Variants in EYS observed in about 807,000 individuals in gnomAD.
EYS encodes the protein protein eyes shut homolog.
Under a neutral mutation model 282.1 loss-of-function variants are expected in EYS, and 250 were observed. The ratio of observed to expected loss-of-function variants is 0.89; its 90% CI spans 0.80 to 0.98. The LOEUF (loss-of-function observed/expected upper bound fraction) is 0.98, where lower values mean the gene tolerates loss of function less well. Ranked by LOEUF, EYS falls within the 50% of genes least tolerant of loss-of-function variation. The probability of loss-of-function intolerance (pLI) is 0.00; values close to 1 mark genes in which losing one functional copy is unlikely to be tolerated. For synonymous variants in EYS, 1,355 were observed against 1,282.9 expected, an observed-to-expected ratio of 1.06 and a Z score of -1.20; for missense variants, 4,016 against 3,709.0, an observed-to-expected ratio of 1.08 and a Z score of -2.15.
chr6:64,933,751 G>A (rs1768808418), intron 15 of EYS, among the ~76,000 whole-genome samples: 1 of 152,084 alleles, frequency 6.6e-6, no homozygotes, highest in Non-Finnish European at 1.5e-5. Context: ...ACCAATGATA[G>A]ATTGGATAAG....
intron 5 of EYS, among the ~76,000 whole-genome samples, chr6:65,450,103 T>C (rs1040054341): frequency 1.3e-5 from 2 of 152,152 alleles, no homozygotes; most frequent in Non-Finnish European, 2.9e-5. Context: ...TAACATTGCA[T>C]GTCTAATTCT....
chr6:64,100,011 C>T (rs4710464), intron 31 of EYS, among the ~76,000 whole-genome samples: 10,503 of 152,052 alleles, frequency 0.069, 958 homozygotes, highest in African/African-American at 0.21. Context: ...AGATGCTAAA[C>T]CGTCTCAGTT....
intron 12 of EYS, among the ~76,000 whole-genome samples, chr6:65,088,005 T>C (rs1039230638): frequency 1.3e-5 from 2 of 152,252 alleles, no homozygotes; most frequent in Admixed American, 1.3e-4. Context: ...GCATCTTCCC[T>C]GTTTGCACTC....
chr6:64,085,260 G>C (rs1430146803), intron 31 of EYS, among the ~76,000 whole-genome samples: 1 of 151,718 alleles, frequency 6.6e-6, no homozygotes, highest in African/African-American at 2.4e-5. Flanking sequence ...ATAGGCGTGA[G>C]TCACCCTGCC....
At chr6:64,322,694 C>T (rs1249178594) in intron 29 of EYS, among the ~76,000 whole-genome samples, 1 of 152,018 alleles carries the variant, frequency 6.6e-6, no homozygotes, top group Non-Finnish European at 1.5e-5. Flanking sequence ...ATTGGAATGA[C>T]AAAATTACAG....
Position 63,723,201 on chromosome 6 carries a change from CAAAG to C in EYS, c.8234-1408_8234-1405del, listed in dbSNP as rs772939755. Among the ~76,000 whole-genome samples, 159 of 152,100 alleles carry C rather than the reference CAAAG, an allele frequency of 1.0e-3. 1 individual carries two copies. Among genetic ancestry groups the C allele is most frequent in the Middle Eastern group, 3.4e-3 (1 of 294 alleles). On this transcript the variant is annotated intron_variant, in intron 42 of 42. Transcript: ENST00000503581. Reference sequence around the variant, plus strand: ...TGAAAATTGTTTTAAAAATTCATAACAAAGAAACTCAGTTTATTTGCATAATTTC... The same window carrying C: ...TGAAAATTGTTTTAAAAATTCATAACAAACTCAGTTTATTTGCATAATTTC...
chr6:65,356,328 T>C (rs1764486999), intron 8 of EYS, among the ~76,000 whole-genome samples: 1 of 152,008 alleles, frequency 6.6e-6, no homozygotes, highest in African/African-American at 2.4e-5. Context: ...CAGAGGAAGT[T>C]GGATCAAGGA....
At chr6:63,950,939 C>G (rs1178225604) in intron 35 of EYS, among the ~76,000 whole-genome samples, 1 of 152,080 alleles carries the variant, frequency 6.6e-6, no homozygotes, top group Non-Finnish European at 1.5e-5. Context: ...GACAGTCTTC[C>G]CTTAGTGTTT....
chr6:64,643,299 T>C (rs1433450884), intron 22 of EYS, among the ~76,000 whole-genome samples: 1 of 152,220 alleles, frequency 6.6e-6, no homozygotes, highest in African/African-American at 2.4e-5. Flanking sequence ...GTCATCACTT[T>C]AATGGCAAAA....
intron 2 of EYS, among the ~76,000 whole-genome samples, chr6:65,568,984 T>A (rs960240927): frequency 3.9e-5 from 6 of 152,168 alleles, no homozygotes; most frequent in Non-Finnish European, 7.4e-5. Flanking sequence ...AGGAACTTAG[T>A]TTACAATTTA....
At chr6:64,017,669 C>T (rs1263255018) in intron 33 of EYS, among the ~76,000 whole-genome samples, 1 of 152,134 alleles carries the variant, frequency 6.6e-6, no homozygotes, top group Non-Finnish European at 1.5e-5. Flanking sequence ...TTTTCTTTAC[C>T]TGCTGTCTGC....
intron 22 of EYS, among the ~76,000 whole-genome samples, chr6:64,756,757 T>C (rs1298202679): frequency 6.6e-6 from 1 of 152,206 alleles, no homozygotes; most frequent in Non-Finnish European, 1.5e-5. Flanking sequence ...TGAACTTTTG[T>C]CTTGTTTTGA....
chr6:64,646,698 A>G (rs1813560), intron 22 of EYS, among the ~76,000 whole-genome samples: 144,498 of 151,796 alleles, frequency 0.95, 69,175 homozygotes, highest in East Asian at 1. Context: ...CCAGCTACTC[A>G]GGAGGCTGAG....
rs568679253 is a variant in EYS, at chr6:64,138,576, T to G, written c.6425-56574A>C. Among the ~76,000 whole-genome samples, 335 of 152,282 alleles carry G rather than the reference T, an allele frequency of 2.2e-3. 1 individual carries two copies. The highest frequency in any genetic ancestry group is 7.6e-3 in the African/African-American group (317 of 41,560). Reference sequence around the variant, plus strand: ...TACTTCTTATGGCTTCTGTTTCAATTGTGAATTCAGAGGCAAGGCAATTAA... The same window carrying G: ...TACTTCTTATGGCTTCTGTTTCAATGGTGAATTCAGAGGCAAGGCAATTAA... On this transcript the variant is annotated intron_variant, in intron 31 of 42. Coordinates refer to ENST00000503581, the MANE Select transcript of EYS (RefSeq NM_001142800.2).
chr6:64,115,788 C>T (rs775943499), intron 31 of EYS, among the ~76,000 whole-genome samples: 1 of 152,118 alleles, frequency 6.6e-6, no homozygotes, highest in Non-Finnish European at 1.5e-5. Flanking sequence ...ATCAAAGAAA[C>T]ATGATATCAC....
At chr6:65,046,066 A>AC (rs1773091220) in intron 13 of EYS, among the ~76,000 whole-genome samples, 4 of 151,916 alleles carry the variant, frequency 2.6e-5, no homozygotes, top group Non-Finnish European at 5.9e-5. Flanking sequence ...TTCAGACTCA[A>AC]GAGGTGGGAT....
chr6:64,184,799 AT>A (rs1358585839), intron 31 of EYS, among the ~76,000 whole-genome samples: 1 of 152,154 alleles, frequency 6.6e-6, no homozygotes, highest in Non-Finnish European at 1.5e-5. Context: ...TAAGAATTTT[AT>A]TTTTTGTTTT....
At chr6:64,640,303 A>AGTCATTTTGTGTTG (rs1768088322) in intron 22 of EYS, among the ~76,000 whole-genome samples, 1 of 150,932 alleles carries the variant, frequency 6.6e-6, no homozygotes, top group African/African-American at 2.4e-5. Context: ...ACAATAGCAA[A>AGTCATTTTGTGTTG]GACTTGGAAC....
chr6:64,211,629 A>C (rs1263072755), intron 31 of EYS, among the ~76,000 whole-genome samples: 1 of 147,750 alleles, frequency 6.8e-6, no homozygotes, highest in Non-Finnish European at 1.5e-5. Flanking sequence ...ATATGAATTA[A>C]ATTTAGCAAA....
Sources: allele counts gnomAD v4.1 joint callset (sites outside exome capture counted in the v4.1 genomes callset), GRCh38; gene constraint gnomAD v4.1.1; transcripts MANE v1.5; gene names NCBI Gene and HGNC (gene_info 2026-07-23, HGNC 2026-07-21).